Variants in FAM167A observed in about 807,000 individuals in gnomAD.
FAM167A encodes the protein protein FAM167A.
FAM167A carries 23 observed loss-of-function variants against 14.9 expected under a neutral mutation model. That is an observed-to-expected ratio of 1.55 (90% CI 1.11 to 2.19). The LOEUF (loss-of-function observed/expected upper bound fraction) is 2.19, where lower values mean the gene tolerates loss of function less well. Among genes scored for constraint, FAM167A ranks in the 30% most tolerant of loss-of-function variants. The probability of loss-of-function intolerance (pLI) is 0.00; values close to 1 mark genes in which losing one functional copy is unlikely to be tolerated. For synonymous variants in FAM167A, 174 were observed against 117.7 expected, an observed-to-expected ratio of 1.48 and a Z score of -3.10; for missense variants, 401 against 281.5, an observed-to-expected ratio of 1.42 and a Z score of -3.04.
upstream of FAM167A, among the ~76,000 whole-genome samples, chr8:11,471,589 T>A (rs1563398232): frequency 6.6e-6 from 1 of 152,206 alleles, no homozygotes; most frequent in Non-Finnish European, 1.5e-5. Flanking sequence ...TTAAGTTTTC[T>A]GAGCTACAGT....
Position 11,444,325 on chromosome 8 carries a change from G to A in FAM167A, c.87C>T (p.Ser29=). The stretch of plus-strand genomic sequence containing the variant: ...TCAGTTTCTCGGTGAGGGCCTTCAG[G>A]CTCCGGAGGTGGTCATCGGGTGGTG... ...AAAPPDDHLR[S]LKALTEKLRL... Residue 29 remains serine (S), a synonymous_variant, in exon 2 of 3, where the codon AGC becomes AGT. Coordinates refer to ENST00000284486, the MANE Select transcript of FAM167A (RefSeq NM_053279.3). 1 of 1,611,170 alleles carries A rather than the reference G, an allele frequency of 6.2e-7. No homozygotes were observed. The highest frequency in any genetic ancestry group is 1.1e-5 in the South Asian group (1 of 90,988).
intron 2 of FAM167A, chr8:11,438,304 G>T (rs1398800803): frequency 5.0e-6 from 2 of 403,502 alleles, no homozygotes; most frequent in Non-Finnish European, 4.9e-6. Context: ...CCCGGTTGGG[G>T]TCAGCTGCAG....
chr8:11,462,995 A>T (rs572499000), intron 1 of FAM167A, among the ~76,000 whole-genome samples: 1 of 152,348 alleles, frequency 6.6e-6, no homozygotes, highest in African/African-American at 2.4e-5. Context: ...TGAGAGCTCC[A>T]GGGAGGTGTG....
In FAM167A at chr8:11,423,461, C is replaced by T. The variant is rs1281627129; in HGVS notation, c.*912G>A. On this transcript the variant is annotated 3_prime_UTR_variant, in exon 3 of 3. Coordinates refer to ENST00000284486, the MANE Select transcript of FAM167A (RefSeq NM_053279.3). ...AGGAGGCTCAGGATGGGCCTCTGGG[C>T]TCCCTAGATTGTCTTTCCAGAGAGG... The T allele has an allele frequency of 6.6e-6, 1 of 152,598 alleles. No homozygotes were observed. Among genetic ancestry groups the T allele is most frequent in the African/African-American group, 2.4e-5 (1 of 41,464 alleles). The allele number at this position is 152,598 out of a possible 1,614,324, so 9.5% of individuals were successfully genotyped here.
intron 1 of FAM167A, among the ~76,000 whole-genome samples, chr8:11,462,162 G>A (rs1807566375): frequency 6.6e-6 from 1 of 152,242 alleles, no homozygotes; most frequent in South Asian, 2.1e-4. Flanking sequence ...GTACTTGGCT[G>A]CTGAAGCCTC....
chr8:11,436,546 T>G (rs1806030222), intron 2 of FAM167A, among the ~76,000 whole-genome samples: 1 of 152,184 alleles, frequency 6.6e-6, no homozygotes, highest in African/African-American at 2.4e-5. Context: ...TAGCAGGGGC[T>G]GTCTCCCTGC....
At chr8:11,425,590 C>T (rs1391851159) in intron 2 of FAM167A, among the ~76,000 whole-genome samples, 3 of 152,160 alleles carry the variant, frequency 2.0e-5, no homozygotes, top group Non-Finnish European at 4.4e-5. Flanking sequence ...GCCCGCTCTT[C>T]ATCAAGAGGA....
chr8:11,434,808 C>A, intron 2 of FAM167A: 1 of 343,192 alleles, frequency 2.9e-6, no homozygotes, highest in Non-Finnish European at 5.8e-6. Context: ...GGATGCTGAT[C>A]ACCTTCCTCC....
In FAM167A at chr8:11,424,305, C is replaced by A; in HGVS notation, c.*68G>T. The A allele has an allele frequency of 1.3e-6, 2 of 1,592,798 alleles. No homozygotes were observed. Among genetic ancestry groups the A allele is most frequent in the South Asian group, 1.1e-5 (1 of 88,778 alleles). The stretch of plus-strand genomic sequence containing the variant: ...GAGACCCACTGGAGTAACTTGGCCT[C>A]AGCTTCCTCTGACACCCCTCCAGCC... On this transcript the variant is annotated 3_prime_UTR_variant, in exon 3 of 3. Transcript: ENST00000284486.
intron 1 of FAM167A, 48 bp from the exon 2 acceptor site, chr8:11,444,856 C>G: frequency 9.1e-6 from 9 of 989,126 alleles, no homozygotes; most frequent in Non-Finnish European, 1.1e-5. Context: ...TGCCCTGCCA[C>G]TCAGAGGCGG....
intron 2 of FAM167A, 55 bp downstream of exon 2, chr8:11,443,956 GAGAGAGACAGAAAAAGACAC>G: frequency 6.6e-7 from 1 of 1,518,030 alleles, no homozygotes; most frequent in Non-Finnish European, 8.9e-7. Context: ...GAGACAGACA[GAGAGAGACAGAAAAAGACAC>G]AGAGAGACGG....
chr8:11,467,782 A>G (rs889419749), upstream of FAM167A, among the ~76,000 whole-genome samples: 1 of 152,038 alleles, frequency 6.6e-6, no homozygotes, highest in African/African-American at 2.4e-5. Context: ...CTTCACTGCA[A>G]CTCCGCATCC....
At chr8:11,473,748 G>A (rs1454283820) in intron 1 of FAM167A, among the ~76,000 whole-genome samples, 1 of 152,202 alleles carries the variant, frequency 6.6e-6, no homozygotes, top group East Asian at 1.9e-4. Context: ...AGTACCAAGA[G>A]CTACCATGAA....
chr8:11,458,671 G>A (rs1183376973), intron 1 of FAM167A, among the ~76,000 whole-genome samples: 1 of 152,176 alleles, frequency 6.6e-6, no homozygotes, highest in Admixed American at 6.5e-5. Flanking sequence ...GAGAAATAGG[G>A]TATTTTCATC....
intron 2 of FAM167A, among the ~76,000 whole-genome samples, chr8:11,441,309 CCCT>C (rs1357635993): frequency 6.6e-6 from 1 of 152,322 alleles, no homozygotes; most frequent in African/African-American, 2.4e-5. Context: ...CCTGGTCTCG[CCCT>C]CCTTTCATTC....
intron 1 of FAM167A, among the ~76,000 whole-genome samples, chr8:11,455,460 G>C (rs1254628275): frequency 7.1e-6 from 1 of 140,622 alleles, no homozygotes; most frequent in Non-Finnish European, 1.5e-5. Flanking sequence ...TGCTCTGCTG[G>C]GTATGTGTGA....
chr8:11,435,305 C>A (rs1185073440), intron 2 of FAM167A, among the ~76,000 whole-genome samples: 1 of 152,220 alleles, frequency 6.6e-6, no homozygotes, highest in Non-Finnish European at 1.5e-5. Flanking sequence ...GCTACCACTG[C>A]CCCTCCATGC....
chr8:11,471,297 T>G (rs1807953331), upstream of FAM167A, among the ~76,000 whole-genome samples: 1 of 152,194 alleles, frequency 6.6e-6, no homozygotes, highest in Admixed American at 6.5e-5. Context: ...AGGGCACAGC[T>G]GCAGGGCTCG....
At chr8:11,438,146 G>A (rs1405476922) in intron 2 of FAM167A, 1 of 456,534 alleles carries the variant, frequency 2.2e-6, no homozygotes, top group Non-Finnish European at 4.4e-6. Context: ...AATGGACATG[G>A]GGCTGGATGA....
Sources: gnomAD v4.1 joint callset for allele counts (sites outside exome capture counted in the v4.1 genomes callset) on GRCh38, gnomAD v4.1.1 for gene constraint, MANE v1.5 for transcripts, NCBI Gene and HGNC (gene_info 2026-07-23, HGNC 2026-07-21) for gene names.